NKAIN3: variants seen among roughly 807,000 people sequenced by gnomAD.
NKAIN3 encodes sodium/potassium transporting ATPase interacting 3, also known as sodium/potassium-transporting ATPase subunit beta-1-interacting protein 3.
A neutral mutation model predicts 30.2 loss-of-function variants in NKAIN3; 25 were observed. The ratio of observed to expected loss-of-function variants is 0.83; its 90% confidence interval spans 0.60 to 1.16. The LOEUF is 1.16. Among genes scored for constraint, NKAIN3 ranks in the 50% most tolerant of loss-of-function variants. NKAIN3 has a pLI of 0.00. For missense variants in NKAIN3, 225 were observed against 254.1 expected (o/e 0.89, Z 0.78); for synonymous variants, 91 against 89.6 (o/e 1.02, Z -0.09).
At position 62,248,886 on chromosome 8, in the gene NKAIN3, C is replaced by T. The variant is rs1387294756; in HGVS notation, c.-188C>T. ...GCTCGGGTCGTGCGCACCGCACTGA[C>T]CTCGGCCCGCCCCGCCGGGAAACTA... On this transcript the variant is annotated 5_prime_UTR_variant, in exon 1 of 7. Coordinates refer to ENST00000623646, the MANE Select transcript of NKAIN3 (RefSeq NM_001304533.3). 3 of 554,848 alleles carry T rather than the reference C, an allele frequency of 5.4e-6. No homozygotes were observed. Among genetic ancestry groups the T allele is most frequent in the Non-Finnish European group, 9.3e-6 (3 of 324,056 alleles). 34.4% of individuals were successfully genotyped at this position (554,848 alleles called of 1,614,324 possible).
Position 62,682,478 on chromosome 8 carries a change from A to G in NKAIN3, c.274-64454A>G, listed in dbSNP as rs114999782. ...CAAACGATTGCACAGTTTCTTGGAC[A>G]GAACGTGGGGGAGGGGTTGAATACA... On this transcript the variant is annotated intron_variant, in intron 3 of 6. Transcript: ENST00000623646. Among the ~76,000 whole-genome samples the G allele has an allele frequency of 3.3e-3, 499 of 152,276 alleles. 4 individuals are homozygous for G. Among genetic ancestry groups the G allele is most frequent in the African/African-American group, 0.012 (484 of 41,562 alleles).
chr8:62,625,739 G>C (rs1237196305), intron 3 of NKAIN3, among the ~76,000 whole-genome samples: 1 of 152,076 alleles, frequency 6.6e-6, no homozygotes, highest in East Asian at 1.9e-4. Flanking sequence ...GCAAAGGAGT[G>C]AAAGAGTGAG....
intron 5 of NKAIN3, among the ~76,000 whole-genome samples, chr8:62,944,172 C>G (rs908681642): frequency 6.6e-6 from 1 of 152,006 alleles, no homozygotes; most frequent in African/African-American, 2.4e-5. Context: ...ATATATATAA[C>G]TATTATTTCC....
chr8:62,757,398 A>G (rs1250507299), intron 4 of NKAIN3, among the ~76,000 whole-genome samples: 2 of 152,144 alleles, frequency 1.3e-5, no homozygotes, highest in Non-Finnish European at 2.9e-5. Flanking sequence ...AAGCTGTTTC[A>G]TTCATTCAGC....
At chr8:62,372,234 TCACA>T (rs1312302247) in intron 1 of NKAIN3, among the ~76,000 whole-genome samples, 1 of 151,852 alleles carries the variant, frequency 6.6e-6, no homozygotes, top group South Asian at 2.1e-4. Flanking sequence ...ATGTTTTAGG[TCACA>T]CACACATATA....
At chr8:62,723,643 T>C (rs1220302064) in intron 3 of NKAIN3, among the ~76,000 whole-genome samples, 1 of 152,156 alleles carries the variant, frequency 6.6e-6, no homozygotes, top group Non-Finnish European at 1.5e-5. Flanking sequence ...CATATTCAGA[T>C]ACAGCAATAA....
At chr8:62,415,300 A>G (rs1804409088) in intron 1 of NKAIN3, among the ~76,000 whole-genome samples, 1 of 145,296 alleles carries the variant, frequency 6.9e-6, no homozygotes, top group African/African-American at 2.5e-5. Context: ...ATATATTTAT[A>G]TATATCTACT....
At chr8:62,484,986 C>T (rs527266489) in intron 1 of NKAIN3, among the ~76,000 whole-genome samples, 9 of 152,274 alleles carry the variant, frequency 5.9e-5, no homozygotes, top group African/African-American at 2.2e-4. Context: ...ATAACTCTGT[C>T]ATTGAATTTA....
chr8:62,964,237 A>G (rs1385495529), intron 6 of NKAIN3, among the ~76,000 whole-genome samples: 3 of 152,212 alleles, frequency 2.0e-5, no homozygotes, highest in African/African-American at 7.2e-5. Context: ...ATTTCAGCCA[A>G]CATTCAAAGT....
rs1815814594 is a variant in NKAIN3 at position 62,740,020 on chromosome 8, A to T, written c.274-6912A>T. Among the ~76,000 whole-genome samples the T allele has an allele frequency of 3.9e-5, 6 of 152,200 alleles. 1 individual carries two copies. In the South Asian group the frequency reaches 1.2e-3, roughly 31 times the overall value. On this transcript the variant is annotated intron_variant, in intron 3 of 6. Transcript: ENST00000623646. ...GATGCTTTTAATGTAGAAAAATATCATATAATTTTTGATATATTTGAACTA... is the reference window on the plus strand; with the variant it reads ...GATGCTTTTAATGTAGAAAAATATCTTATAATTTTTGATATATTTGAACTA...
At chr8:62,454,301 C>CAAAAAAAAAAAAAAAAAAACAAAAAAA (rs1805743305) in intron 1 of NKAIN3, among the ~76,000 whole-genome samples, 1 of 56,152 alleles carries the variant, frequency 1.8e-5, no homozygotes, top group Non-Finnish European at 3.8e-5. Flanking sequence ...AGCTGATGTG[C>CAAAAAAAAAAAAAAAAAAACAAAAAAA]AAAAAAAAAA....
intron 1 of NKAIN3, among the ~76,000 whole-genome samples, chr8:62,547,925 C>T (rs1035026389): frequency 6.6e-6 from 1 of 152,174 alleles, no homozygotes; most frequent in Non-Finnish European, 1.5e-5. Context: ...TGATGAGACA[C>T]AGGATTCTGC....
chr8:62,465,534 T>G (rs1051005130), intron 1 of NKAIN3, among the ~76,000 whole-genome samples: 2 of 152,236 alleles, frequency 1.3e-5, no homozygotes, highest in Non-Finnish European at 2.9e-5. Context: ...TTTTGACCTC[T>G]ACGTACATTG....
intron 4 of NKAIN3, among the ~76,000 whole-genome samples, chr8:62,785,824 C>T (rs1457496905): frequency 6.6e-6 from 1 of 152,040 alleles, no homozygotes; most frequent in African/African-American, 2.4e-5. Flanking sequence ...TGGAAAATGA[C>T]ACAGGAAATG....
chr8:62,417,326 A>G (rs540143971), intron 1 of NKAIN3, among the ~76,000 whole-genome samples: 3 of 152,278 alleles, frequency 2.0e-5, no homozygotes, highest in Non-Finnish European at 4.4e-5. Context: ...AGGGATGAAT[A>G]GTACTCCATT....
chr8:62,884,603 C>T (rs1354306572), intron 4 of NKAIN3, among the ~76,000 whole-genome samples: 3 of 152,164 alleles, frequency 2.0e-5, no homozygotes, highest in African/African-American at 7.2e-5. Flanking sequence ...TAGGATTCAC[C>T]AGTGAACCCA....
chr8:62,840,500 C>A (rs1321938559), intron 4 of NKAIN3, among the ~76,000 whole-genome samples: 1 of 151,096 alleles, frequency 6.6e-6, no homozygotes, highest in Admixed American at 6.6e-5. Flanking sequence ...CTGCTCTCTA[C>A]ATTTTTGTGC....
chr8:62,860,626 AG>A (rs775554607), intron 4 of NKAIN3, among the ~76,000 whole-genome samples: 18 of 152,204 alleles, frequency 1.2e-4, no homozygotes, highest in Admixed American at 3.9e-4. Flanking sequence ...CTGCTAAACA[AG>A]TTCCTGGAGA....
At chr8:62,500,728 G>C (rs1807421968) in intron 1 of NKAIN3, among the ~76,000 whole-genome samples, 1 of 152,164 alleles carries the variant, frequency 6.6e-6, no homozygotes, top group African/African-American at 2.4e-5. Context: ...ATACTGCCGG[G>C]ACCAAGAGGG....
Sources: gnomAD v4.1 joint callset for allele counts (sites outside exome capture counted in the v4.1 genomes callset) on GRCh38, gnomAD v4.1.1 for gene constraint, MANE v1.5 for transcripts, NCBI Gene and HGNC (gene_info 2026-07-23, HGNC 2026-07-21) for gene names.